The following PIK3R6 variants were observed in gnomAD, a reference collection of about 807,000 sequenced individuals.
PIK3R6 encodes phosphoinositide 3-kinase regulatory subunit 6.
In PIK3R6, 91 loss-of-function variants were observed where a neutral mutation model predicts 84.9. The ratio of observed to expected loss-of-function variants is 1.07; its 90% CI spans 0.90 to 1.28. PIK3R6 has a LOEUF of 1.28. Ranked by LOEUF, PIK3R6 falls within the 50% of genes most tolerant of loss-of-function variation. The probability of loss-of-function intolerance (pLI) is 0.00; values close to 1 mark genes in which losing one functional copy is unlikely to be tolerated. For synonymous variants in PIK3R6, 416 were observed against 411.4 expected (o/e 1.01, Z -0.13); for missense variants, 996 against 985.1 (o/e 1.01, Z -0.15).
At chr17:8,863,352 T>A (rs2089325169) in intron 1 of PIK3R6, among the ~76,000 whole-genome samples, 2 of 152,178 alleles carry the variant, frequency 1.3e-5, no homozygotes, top group Non-Finnish European at 2.9e-5. Context: ...ATACCTATCC[T>A]TTTCCTGGTG....
intron 18 of PIK3R6, among the ~76,000 whole-genome samples, chr17:8,816,832 T>C (rs1188885584): frequency 6.6e-6 from 1 of 152,200 alleles, no homozygotes; most frequent in East Asian, 1.9e-4. Context: ...TGGTATAGAC[T>C]TTCTAGAGGG....
In PIK3R6 at chr17:8,829,304, ACT is replaced by A. The variant is rs1335385834; in HGVS notation, c.890-316_890-315del. Among the ~76,000 whole-genome samples, 7 of 144,682 alleles carry A rather than the reference ACT, an allele frequency of 4.8e-5. No individual in the cohort carries two copies. The East Asian group carries it at 8.2e-4, about 17-fold the overall frequency. The allele number at this position is 144,682 out of a possible 152,430, so 94.9% of individuals were successfully genotyped here. On this transcript the variant is annotated intron_variant, in intron 10 of 19. Transcript: ENST00000619866. ...ACACACGCATCATGCATACACACAC[ACT>A]GACACACGCATGCACGCATACACCC... is the stretch of plus-strand genomic sequence containing the variant.
At position 8,828,575 on chromosome 17, in the gene PIK3R6, G is replaced by A. The variant is rs1471497465; in HGVS notation, c.1305C>T (p.His435=). The change falls in exon 11 of 20, where the codon CAC becomes CAT. Residue 435 remains histidine, a synonymous_variant. Coordinates refer to ENST00000619866, the MANE Select transcript of PIK3R6 (RefSeq NM_001010855.4). Reference sequence around the variant, plus strand: ...CCACGTCGGGGCCCCACCTGAGTCTGTGGTAGGCCTGGGCCAGGCGCCCCA... The same window carrying A: ...CCACGTCGGGGCCCCACCTGAGTCTATGGTAGGCCTGGGCCAGGCGCCCCA... ...RMLGRLAQAY[H]RLRKRETQKF... is the part of the protein sequence containing the mutation. The A allele has an allele frequency of 6.2e-7, 1 of 1,612,468 alleles. No homozygotes were observed.
intron 1 of PIK3R6, among the ~76,000 whole-genome samples, chr17:8,855,053 T>A: frequency 6.6e-6 from 1 of 152,010 alleles, no homozygotes; most frequent in Non-Finnish European, 1.5e-5. Flanking sequence ...ATTAGTTGGC[T>A]GTGGTGGCTC....
At position 8,803,299 on chromosome 17, in the gene PIK3R6, TG is replaced by T; in HGVS notation, c.2238del (p.Asn747ThrfsTer120). 6.2e-7 allele frequency: 1 copy of T among 1,612,840 alleles called. No individual in the cohort carries two copies. The highest frequency in any genetic ancestry group is 1.3e-5 in the African/African-American group (1 of 74,996). ...KAKPKPLLMP[I>X]NTFSGIVQ ...CACTGGACAATACCAGAGAATGTGT[TG>T]ATGGGCATCAGAAGGGGCTTGGGCT... On this transcript the variant is annotated frameshift_variant, in exon 20 of 20. Transcript: ENST00000619866. LOFTEE classifies it high-confidence loss of function. This position sits in a 1 kb window ranked among gnomAD's most constrained non-coding sequence, Gnocchi z 5.0.
intron 1 of PIK3R6, among the ~76,000 whole-genome samples, chr17:8,857,969 C>T (rs575267777): frequency 6.6e-6 from 1 of 152,196 alleles, no homozygotes; most frequent in African/African-American, 2.4e-5. Context: ...GAAAGCCTCC[C>T]TATTCATTTG....
intron 1 of PIK3R6, among the ~76,000 whole-genome samples, chr17:8,867,010 C>T (rs1412675095): frequency 6.6e-6 from 1 of 152,160 alleles, no homozygotes; most frequent in African/African-American, 2.4e-5. Context: ...CAGATGATGT[C>T]CCAGAAAGGG....
intron 11 of PIK3R6, 21 bp downstream of exon 11, chr17:8,828,546 G>A (rs1245866282): frequency 1.9e-6 from 3 of 1,607,950 alleles, no homozygotes; most frequent in Non-Finnish European, 2.5e-6. Context: ...CCCACCCCCA[G>A]CCCCCACGTC....
chr17:8,825,573 T>C (rs948520991), intron 13 of PIK3R6, among the ~76,000 whole-genome samples: 2 of 152,200 alleles, frequency 1.3e-5, no homozygotes, highest in Admixed American at 6.5e-5. Flanking sequence ...ATTTAGCAAA[T>C]GATAAAAGTG....
intron 1 of PIK3R6, among the ~76,000 whole-genome samples, chr17:8,856,065 TA>T (rs2089132742): frequency 1.3e-5 from 2 of 152,214 alleles, no homozygotes; most frequent in South Asian, 4.1e-4. Flanking sequence ...AGCCAGGCGC[TA>T]AATCCTGCAT....
intron 18 of PIK3R6, among the ~76,000 whole-genome samples, chr17:8,814,097 G>A (rs1322741168): frequency 6.6e-6 from 1 of 151,918 alleles, no homozygotes; most frequent in African/African-American, 2.4e-5. Flanking sequence ...AAAGAGACTT[G>A]CAGATACTGA....
intron 1 of PIK3R6, among the ~76,000 whole-genome samples, chr17:8,852,306 T>A (rs2088990002): frequency 6.6e-6 from 1 of 152,214 alleles, no homozygotes. Flanking sequence ...TTTACCAAAA[T>A]AGCAAACTAG....
rs138324313 is a variant in PIK3R6, at chr17:8,805,593, G to A, written c.1996-1440C>T. ...GACAGAGGGTAACACTCAGGGGAGA[G>A]GGGGCTTCTCCCCTGGTGCCAACAG... On this transcript the variant is annotated intron_variant, in intron 18 of 19. Coordinates refer to ENST00000619866, the MANE Select transcript of PIK3R6 (RefSeq NM_001010855.4). Among the ~76,000 whole-genome samples, 1,156 of 152,306 alleles carry A rather than the reference G, an allele frequency of 7.6e-3. 23 individuals are homozygous for A. The highest frequency in any genetic ancestry group is 0.025 in the African/African-American group (1,059 of 41,566).
At chr17:8,807,978 A>G (rs760606117) in intron 18 of PIK3R6, among the ~76,000 whole-genome samples, 1 of 151,986 alleles carries the variant, frequency 6.6e-6, no homozygotes, top group Non-Finnish European at 1.5e-5. Flanking sequence ...AGTCCAAGAA[A>G]CCCCTTTAGT....
At chr17:8,811,001 G>T (rs2087341453) in intron 18 of PIK3R6, among the ~76,000 whole-genome samples, 1 of 149,038 alleles carries the variant, frequency 6.7e-6, no homozygotes, top group Admixed American at 6.8e-5. Context: ...CTTCTGCACT[G>T]CCCTAGCAGA....
chr17:8,840,520 AAT>A (rs1159323755), intron 2 of PIK3R6, among the ~76,000 whole-genome samples: 1 of 147,512 alleles, frequency 6.8e-6, no homozygotes, highest in Non-Finnish European at 1.5e-5. Flanking sequence ...ATATATATGA[AAT>A]ATATATATGG....
At position 8,840,145 on chromosome 17, in the gene PIK3R6, CCTCCAAATATATATATGAAATAT is replaced by C. The variant is rs1472418570; in HGVS notation, c.14-471_14-449del. Among the ~76,000 whole-genome samples the C allele has an allele frequency of 2.0e-3, 222 of 111,774 alleles. 4 individuals carry two copies. The highest frequency in any genetic ancestry group is 7.6e-3 in the African/African-American group (209 of 27,656). The allele number at this position is 111,774 out of a possible 152,430, so 73.3% of individuals were successfully genotyped here. A position where few individuals can be genotyped will look rare whatever the true frequency, so the allele number is the denominator to read the frequency against. ...CCAAATATATATGAAATATATATAG[CCTCCAAATATATATATGAAATAT>C]AGCCTCCAAATATATATATGAAATA... On this transcript the variant is annotated intron_variant, in intron 2 of 19. Coordinates refer to ENST00000619866, the MANE Select transcript of PIK3R6 (RefSeq NM_001010855.4).
intron 18 of PIK3R6, among the ~76,000 whole-genome samples, chr17:8,815,379 G>A (rs1055669474): frequency 2.0e-5 from 3 of 151,994 alleles, no homozygotes; most frequent in Non-Finnish European, 4.4e-5. Flanking sequence ...GGTGGCACAC[G>A]CCTGTAGTCC....
chr17:8,859,259 C>T (rs1295300551), intron 1 of PIK3R6, among the ~76,000 whole-genome samples: 2 of 151,542 alleles, frequency 1.3e-5, no homozygotes, highest in Non-Finnish European at 1.5e-5. Flanking sequence ...TTGCACAAGA[C>T]CTGAGAGGTT....
Sources: gnomAD v4.1 joint callset for allele counts (sites outside exome capture counted in the v4.1 genomes callset) on GRCh38, gnomAD v4.1.1 for gene constraint, Gnocchi (gnomAD v3.1) non-coding constraint, MANE v1.5 for transcripts, NCBI Gene and HGNC (gene_info 2026-07-23, HGNC 2026-07-21) for gene names.